The following TESK2 variants were observed in gnomAD, a reference collection of about 807,000 sequenced individuals.
TESK2 encodes the protein dual specificity testis-specific protein kinase 2.
TESK2 carries 39 observed loss-of-function variants against 57.1 expected under a neutral mutation model. The observed-to-expected ratio is 0.68, with a 90% confidence interval of 0.53 to 0.89. TESK2 has a LOEUF of 0.89. Among genes scored for constraint, TESK2 ranks in the 40% least tolerant of loss-of-function variants. TESK2 has a pLI of 0.00. For synonymous variants in TESK2, 249 were observed against 267.9 expected (o/e 0.93, Z 0.69); for missense variants, 646 against 732.1 (o/e 0.88, Z 1.36).
intron 1 of TESK2, among the ~76,000 whole-genome samples, chr1:45,480,325 GCACACAC>G (rs1557590074): frequency 6.6e-6 from 1 of 151,624 alleles, no homozygotes; most frequent in African/African-American, 2.4e-5. Context: ...GGGCGTGGTG[GCACACAC>G]CTGTAGTCCC....
intron 1 of TESK2, among the ~76,000 whole-genome samples, chr1:45,489,134 AG>A (rs1359857978): frequency 8.0e-6 from 1 of 124,840 alleles, no homozygotes; most frequent in Non-Finnish European, 1.8e-5. Flanking sequence ...CTGACACCAA[AG>A]AAAAAAAAAA....
intron 1 of TESK2, among the ~76,000 whole-genome samples, chr1:45,484,950 G>C (rs559985649): frequency 7.3e-6 from 1 of 137,798 alleles, no homozygotes; most frequent in South Asian, 2.3e-4. Context: ...AGAATGGCGT[G>C]AACCCGGGAG....
rs74227005 is a variant in TESK2, at chr1:45,350,167, T to C, written c.541-2167A>G. Reference sequence around the variant, plus strand: ...AAATTAAAATTAAAAAAAGCGTGTGTCAAACGTATACAATAATCATACATT... The same window carrying C: ...AAATTAAAATTAAAAAAAGCGTGTGCCAAACGTATACAATAATCATACATT... On this transcript the variant is annotated intron_variant, in intron 5 of 10. Coordinates refer to ENST00000372086, the MANE Select transcript of TESK2 (RefSeq NM_007170.3). Among the ~76,000 whole-genome samples, 338 of 152,110 alleles carry C rather than the reference T, an allele frequency of 2.2e-3. 7 individuals carry two copies. The East Asian group carries it at 0.032, about 14-fold the overall frequency.
intron 2 of TESK2, among the ~76,000 whole-genome samples, chr1:45,457,284 G>C (rs1466346780): frequency 6.8e-6 from 1 of 146,678 alleles, no homozygotes; most frequent in Non-Finnish European, 1.5e-5. Flanking sequence ...ACTGGAGAAT[G>C]TATGTGTGGA....
intron 2 of TESK2, among the ~76,000 whole-genome samples, chr1:45,449,363 GA>G (rs1651782159): frequency 6.6e-6 from 1 of 151,940 alleles, no homozygotes; most frequent in Non-Finnish European, 1.5e-5. Context: ...CAAATGAACT[GA>G]AAACTTATGT....
At chr1:45,371,079 C>CAA (rs536097926) in intron 4 of TESK2, among the ~76,000 whole-genome samples, 10 of 133,438 alleles carry the variant, frequency 7.5e-5, no homozygotes, top group African/African-American at 1.6e-4. Flanking sequence ...TAGCTACTAT[C>CAA]AAAAAAAAAA....
chr1:45,382,597 G>A (rs1181733904), intron 4 of TESK2, among the ~76,000 whole-genome samples: 1 of 152,106 alleles, frequency 6.6e-6, no homozygotes, highest in Non-Finnish European at 1.5e-5. Context: ...CTGGCCGGGC[G>A]CGGTGGCTCA....
At chr1:45,427,408 G>C (rs1650744734) in intron 2 of TESK2, among the ~76,000 whole-genome samples, 1 of 151,988 alleles carries the variant, frequency 6.6e-6, no homozygotes. Context: ...CCCACTGCTG[G>C]GTATATACCA....
At chr1:45,417,538 G>A (rs1164079037) in intron 3 of TESK2, among the ~76,000 whole-genome samples, 1 of 151,846 alleles carries the variant, frequency 6.6e-6, no homozygotes, top group East Asian at 1.9e-4. Context: ...TGCTTTTGTT[G>A]CTTGTGCACA....
intron 2 of TESK2, among the ~76,000 whole-genome samples, chr1:45,448,962 C>T (rs938516989): frequency 1.3e-5 from 2 of 152,084 alleles, no homozygotes; most frequent in Non-Finnish European, 2.9e-5. Flanking sequence ...CAGTGGCTCA[C>T]GCCTGCAATC....
intron 3 of TESK2, among the ~76,000 whole-genome samples, chr1:45,421,153 T>C (rs1650460854): frequency 6.6e-6 from 1 of 151,588 alleles, no homozygotes; most frequent in South Asian, 2.1e-4. Flanking sequence ...TGCTCAGGAG[T>C]CTGAGGTGGG....
intron 2 of TESK2, among the ~76,000 whole-genome samples, chr1:45,441,994 T>C (rs180981531): frequency 6.6e-6 from 1 of 152,300 alleles, no homozygotes; most frequent in Non-Finnish European, 1.5e-5. Flanking sequence ...TGGATTGCAA[T>C]GGTGCTATCT....
intron 1 of TESK2, among the ~76,000 whole-genome samples, chr1:45,467,423 C>T (rs980858311): frequency 6.6e-6 from 1 of 151,984 alleles, no homozygotes; most frequent in Non-Finnish European, 1.5e-5. Flanking sequence ...TGGCTCACCA[C>T]AACCTCCGCC....
chr1:45,409,900 C>G (rs775964732), intron 3 of TESK2, among the ~76,000 whole-genome samples: 1 of 152,174 alleles, frequency 6.6e-6, no homozygotes, highest in African/African-American at 2.4e-5. Flanking sequence ...CACAGTGGCT[C>G]ACACCTGTAA....
At chr1:45,359,142 T>A (rs528783813) in intron 4 of TESK2, among the ~76,000 whole-genome samples, 6 of 152,358 alleles carry the variant, frequency 3.9e-5, no homozygotes, top group African/African-American at 1.4e-4. Context: ...AGCCTCCTAA[T>A]AGCCATTTAA....
At chr1:45,457,902 T>C (rs1652173400) in intron 1 of TESK2, 31 bp from the exon 2 acceptor site, 1 of 760,350 alleles carries the variant, frequency 1.3e-6, no homozygotes, top group Non-Finnish European at 2.1e-6. Flanking sequence ...TCCACTGAAA[T>C]CTTTAATGAA....
intron 4 of TESK2, among the ~76,000 whole-genome samples, chr1:45,365,713 C>T (rs375415829): frequency 7.0e-6 from 1 of 142,574 alleles, no homozygotes; most frequent in East Asian, 2.1e-4. Flanking sequence ...GAGTCTCACT[C>T]TGTTGCCCAG....
intron 3 of TESK2, among the ~76,000 whole-genome samples, chr1:45,419,581 G>A (rs1475014608): frequency 6.6e-6 from 1 of 151,836 alleles, no homozygotes; most frequent in Non-Finnish European, 1.5e-5. Flanking sequence ...CGAAGCAGGT[G>A]GATTACCTGA....
At chr1:45,489,551 A>T (rs1653630497) in intron 1 of TESK2, among the ~76,000 whole-genome samples, 1 of 152,220 alleles carries the variant, frequency 6.6e-6, no homozygotes, top group South Asian at 2.1e-4. Context: ...GCACTGTGGG[A>T]GGCCGAGGTG....
Sources: gnomAD v4.1 joint callset for allele counts (sites outside exome capture counted in the v4.1 genomes callset) on GRCh38, gnomAD v4.1.1 for gene constraint, MANE v1.5 for transcripts, NCBI Gene and HGNC (gene_info 2026-07-23, HGNC 2026-07-21) for gene names.